The following PLK3 variants were observed in gnomAD, a reference collection of about 807,000 sequenced individuals.
The protein encoded by PLK3 is serine/threonine-protein kinase PLK3.
PLK3 carries 41 observed loss-of-function variants against 71.6 expected under a neutral mutation model. The ratio of observed to expected loss-of-function variants is 0.57; its 90% CI spans 0.45 to 0.74. PLK3 has a LOEUF of 0.74. Among genes scored for constraint, PLK3 ranks in the 30% least tolerant of loss-of-function variants. The probability of loss-of-function intolerance (pLI) is 0.00; values close to 1 mark genes in which losing one functional copy is unlikely to be tolerated. For synonymous variants in PLK3, 366 were observed against 355.4 expected (o/e 1.03, Z -0.33); for missense variants, 791 against 875.6 (o/e 0.90, Z 1.22).
In PLK3 at chr1:44,805,880, C is replaced by A. The variant is rs545659700; in HGVS notation, c.*202C>A. 65 of 1,429,522 alleles carry A rather than the reference C, an allele frequency of 4.5e-5. 2 individuals are homozygous for A. The South Asian group carries it at 9.1e-4, about 20-fold the overall frequency. 88.6% of individuals were successfully genotyped at this position (1,429,522 alleles called of 1,614,324 possible). A position where few individuals can be genotyped will look rare whatever the true frequency, so the allele number is the denominator to read the frequency against. On this transcript the variant is annotated 3_prime_UTR_variant, in exon 15 of 15. Coordinates refer to ENST00000372201, the MANE Select transcript of PLK3 (RefSeq NM_004073.4). ...CAAGATAAGCCTGAGCCTTAGCTCC[C>A]AGCTAGGGGGCGTTATTTATGGACC...
chr1:44,803,603 A>C lies in PLK3; in HGVS notation c.1076A>C (p.Lys359Thr). 2.5e-6 allele frequency: 4 copies of C among 1,613,768 alleles called. No individual in the cohort carries two copies. The highest frequency in any genetic ancestry group is 3.4e-6 in the Non-Finnish European group (4 of 1,179,666). Residue 359 changes from lysine (K) to threonine (T), a missense_variant, in exon 9 of 15, where the codon AAG becomes ACG. Physicochemically the swap from Lys to Thr is moderately conservative, Grantham distance 78. Transcript: ENST00000372201. The surrounding 1 kb of genome is among the most constrained non-coding windows in gnomAD (Gnocchi z 4.3). Reference protein sequence around the residue: ...KSLFGRKKKSKNHAQERDEVS... With the variant: ...KSLFGRKKKSTNHAQERDEVS... ...CGGTATCACCTTTCACCCCCAGGTA[A>C]GAATCATGCCCAGGAGAGGGATGAG...
At chr1:44,802,684 C>A (rs11584440) in intron 5 of PLK3, 76 bp from the exon 6 acceptor site, 179,152 of 992,508 alleles carry the variant, frequency 0.18, 16,707 homozygotes, top group East Asian at 0.25. Flanking sequence ...TTTGTCTGGA[C>A]TAACAGTGGG....
intron 12 of PLK3, 50 bp downstream of exon 12, chr1:44,804,551 G>A (rs766778628): frequency 1.2e-6 from 2 of 1,607,460 alleles, no homozygotes; most frequent in South Asian, 1.1e-5. Context: ...ATCCAGCAGG[G>A]CCGCACCCTC....
intron 13 of PLK3, 177 bp from the exon 14 acceptor site, chr1:44,805,089 G>C (rs919604286): frequency 6.7e-6 from 4 of 594,284 alleles, no homozygotes; most frequent in African/African-American, 5.6e-5. Context: ...CTGGGCAACA[G>C]AGCGAGACTC....
Position 44,805,869 on chromosome 1 carries a change from G to A in PLK3, c.*191G>A. ...TACCCCATCTCCAAGATAAGCCTGA[G>A]CCTTAGCTCCCAGCTAGGGGGCGTT... On this transcript the variant is annotated 3_prime_UTR_variant, in exon 15 of 15. Coordinates refer to ENST00000372201, the MANE Select transcript of PLK3 (RefSeq NM_004073.4). 7.1e-7 allele frequency: 1 copy of A among 1,410,502 alleles called. No homozygotes were observed. The highest frequency in any genetic ancestry group is 9.4e-7 in the Non-Finnish European group (1 of 1,062,084). 87.4% of individuals were successfully genotyped at this position (1,410,502 alleles called of 1,614,324 possible).
At chr1:44,802,568 C>A (rs542199984) in intron 5 of PLK3, among the ~76,000 whole-genome samples, 192 bp from the exon 6 acceptor site, 4 of 152,214 alleles carry the variant, frequency 2.6e-5, no homozygotes, top group African/African-American at 9.6e-5. Flanking sequence ...TGAAGAGCAG[C>A]TGAGCAGCTG....
Position 44,800,436 on chromosome 1 carries a change from C to A in PLK3, c.-28C>A. The stretch of plus-strand genomic sequence containing the variant: ...CCGGGGCCGGGCGGAACCGAGAAGC[C>A]GGGACCGCGCTGCGACGCGCCGGCC... On this transcript the variant is annotated 5_prime_UTR_variant, in exon 1 of 15. Coordinates refer to ENST00000372201, the MANE Select transcript of PLK3 (RefSeq NM_004073.4). The surrounding 1 kb of genome is among the most constrained non-coding windows in gnomAD (Gnocchi z 6.5). 6.8e-6 allele frequency: 9 copies of A among 1,318,244 alleles called. No individual in the cohort carries two copies. The highest frequency in any genetic ancestry group is 8.7e-6 in the Non-Finnish European group (9 of 1,039,550). 81.7% of individuals were successfully genotyped at this position (1,318,244 alleles called of 1,614,324 possible). A position where few individuals can be genotyped will look rare whatever the true frequency, so the allele number is the denominator to read the frequency against.
In PLK3 at chr1:44,803,220, A is replaced by C. The variant is rs376458026; in HGVS notation, c.949-48A>C. 3.2e-5 allele frequency: 51 copies of C among 1,611,828 alleles called. No individual in the cohort carries two copies. The highest frequency in any genetic ancestry group is 4.3e-5 in the Non-Finnish European group (51 of 1,178,282). ...CAGGGATTGAAAGGGGGCAGGTGAC[A>C]GGACCCCTGGAGCCTCTCTTCTCTG... On this transcript the variant is annotated intron_variant, in intron 7 of 14. Coordinates refer to ENST00000372201, the MANE Select transcript of PLK3 (RefSeq NM_004073.4). The surrounding 1 kb of genome is among the most constrained non-coding windows in gnomAD (Gnocchi z 4.3).
At chr1:44,804,808 A>C in intron 13 of PLK3, 29 bp downstream of exon 13, 1 of 1,610,458 alleles carries the variant, frequency 6.2e-7, no homozygotes, top group Non-Finnish European at 8.5e-7. Context: ...TGGTACATTG[A>C]AACCTAACCC....
rs796663326 is a variant in PLK3, at chr1:44,801,496, C to T, written c.436-126C>T. ...GTGCTGGGATTACAGGCGTGAGCCA[C>T]TACACCCAGCCGAGAAGACAGTCTT... On this transcript the variant is annotated intron_variant, in intron 3 of 14. Transcript: ENST00000372201. 8.4e-5 allele frequency: 88 copies of T among 1,052,642 alleles called. 1 individual carries two copies. The African/African-American group carries it at 9.9e-4, about 12-fold the overall frequency. The allele number at this position is 1,052,642 out of a possible 1,614,324, so 65.2% of individuals were successfully genotyped here.
At position 44,805,914 on chromosome 1, in the gene PLK3, T is replaced by A. The variant is rs1402183824; in HGVS notation, c.*236T>A. ...GGCGTTATTTATGGACCACTTTTAT[T>A]TATTGTCAGACACTTATTTATTGGG... is the stretch of plus-strand genomic sequence containing the variant. On this transcript the variant is annotated 3_prime_UTR_variant, in exon 15 of 15. Transcript: ENST00000372201. 1.4e-6 allele frequency: 2 copies of A among 1,470,546 alleles called. No homozygotes were observed. Among genetic ancestry groups the A allele is most frequent in the South Asian group, 1.4e-5 (1 of 70,434 alleles). 91.1% of individuals were successfully genotyped at this position (1,470,546 alleles called of 1,614,324 possible).
At position 44,805,662 on chromosome 1, in the gene PLK3, A is replaced by T; in HGVS notation, c.1925A>T (p.Asp642Val). ...CGCTATGCTCTGCGCCTGCTCCGGG[A>T]CCGCAGCCCAGCCTAGGACCCAAGC... is the stretch of plus-strand genomic sequence containing the variant. The part of the protein sequence containing the change: ...RLRYALRLLR[D>V]RSPA Residue 642 changes from aspartate to valine, a missense_variant, in exon 15 of 15, where the codon GAC becomes GTC. Coordinates refer to ENST00000372201, the MANE Select transcript of PLK3 (RefSeq NM_004073.4). 3 of 1,612,478 alleles carry T rather than the reference A, an allele frequency of 1.9e-6. No individual in the cohort carries two copies. Among genetic ancestry groups the T allele is most frequent in the Non-Finnish European group, 2.5e-6 (3 of 1,179,942 alleles).
In PLK3 at chr1:44,804,685, T is replaced by A. The variant is rs1392146029; in HGVS notation, c.1541T>A (p.Phe514Tyr). The change falls in exon 13 of 15, where the codon TTC (phenylalanine) becomes TAC (tyrosine). Residue 514 changes from phenylalanine (F) to tyrosine (Y), a missense_variant. Coordinates refer to ENST00000372201, the MANE Select transcript of PLK3 (RefSeq NM_004073.4). ...VHYNPTSTKH[F>Y]SFSVGAVPRA... ...TACAATCCCACCAGCACAAAGCACT[T>A]CTCCTTCTCCGTGGGTGCTGTGCCC... 2 of 1,613,862 alleles carry A rather than the reference T, an allele frequency of 1.2e-6. No individual in the cohort carries two copies. The highest frequency in any genetic ancestry group is 1.7e-5 in the Admixed American group (1 of 59,992).
In PLK3 at chr1:44,804,359, C is replaced by G. The variant is rs202241709; in HGVS notation, c.1363C>G (p.Leu455Val). ...MPPAEQNPAP[L>V]AQPEPLVWVS... ...GACAGCGGAACAGAACCCGGCCCCC[C>G]TGGCCCAGCCAGAGCCTCTGGTGTG... The change falls in exon 12 of 15, where the codon CTG becomes GTG. Residue 455 changes from leucine to valine, a missense_variant. Physicochemically the swap from Leu to Val is conservative, Grantham distance 32. Coordinates refer to ENST00000372201, the MANE Select transcript of PLK3 (RefSeq NM_004073.4). 1 of 1,614,182 alleles carries G rather than the reference C, an allele frequency of 6.2e-7. No individual in the cohort carries two copies. The highest frequency in any genetic ancestry group is 8.5e-7 in the Non-Finnish European group (1 of 1,180,016).
chr1:44,804,253 G>C lies in PLK3; in HGVS notation c.1342+7G>C, dbSNP rs776466127. 6.2e-7 allele frequency: 1 copy of C among 1,613,428 alleles called. No homozygotes were observed. The highest frequency in any genetic ancestry group is 2.2e-5 in the East Asian group (1 of 44,878). On this transcript the variant is annotated splice_region_variant and intron_variant, in intron 11 of 14. Transcript: ENST00000372201. Reference sequence around the variant, plus strand: ...ATAGCCTTCATGCCCCCAGGTAAGGGTGGGGTCTGGTACATGCTGCTGTGG... The same window carrying C: ...ATAGCCTTCATGCCCCCAGGTAAGGCTGGGGTCTGGTACATGCTGCTGTGG...
At position 44,803,968 on chromosome 1, in the gene PLK3, T is replaced by G; in HGVS notation, c.1202T>G (p.Val401Gly). Residue 401 changes from valine to glycine, a missense_variant, in exon 10 of 15, where the codon GTA becomes GGA. Physicochemically the swap from Val to Gly is moderately radical, Grantham distance 109. Transcript: ENST00000372201. This position sits in a 1 kb window ranked among gnomAD's most constrained non-coding sequence, Gnocchi z 4.3. Reference protein sequence around the residue: ...AASGPAPVSLVETAPEDSSPR... With the variant: ...AASGPAPVSLGETAPEDSSPR... Reference sequence around the variant, plus strand: ...TCTGGCCCAGCCCCTGTCAGCCTGGTAGAGACAGCACCTGAAGACAGCTCA... The same window carrying G: ...TCTGGCCCAGCCCCTGTCAGCCTGGGAGAGACAGCACCTGAAGACAGCTCA... The G allele has an allele frequency of 6.4e-7, 1 of 1,552,692 alleles. No homozygotes were observed. Among genetic ancestry groups the G allele is most frequent in the Non-Finnish European group, 8.7e-7 (1 of 1,147,378 alleles).
At chr1:44,801,182 G>A (rs199779849) in intron 3 of PLK3, 30 bp downstream of exon 3, 1 of 887,760 alleles carries the variant, frequency 1.1e-6, no homozygotes, top group Non-Finnish European at 1.9e-6. Flanking sequence ...GCAGGGATGA[G>A]AGTGAGGGAG....
intron 5 of PLK3, among the ~76,000 whole-genome samples, chr1:44,802,311 G>C (rs1196991903): frequency 6.6e-6 from 1 of 152,140 alleles, no homozygotes; most frequent in South Asian, 2.1e-4. Context: ...CATTGTGGGT[G>C]TAAGAAGACC....
At position 44,800,802 on chromosome 1, in the gene PLK3, C is replaced by G. The variant is rs770295284; in HGVS notation, c.211-38C>G. 1 of 1,582,954 alleles carries G rather than the reference C, an allele frequency of 6.3e-7. No homozygotes were observed. The highest frequency in any genetic ancestry group is 1.8e-5 in the Admixed American group (1 of 56,362). On this transcript the variant is annotated intron_variant, in intron 1 of 14. Coordinates refer to ENST00000372201, the MANE Select transcript of PLK3 (RefSeq NM_004073.4). The surrounding 1 kb of genome is among the most constrained non-coding windows in gnomAD (Gnocchi z 6.5). ...GGGACGCCCGCGGGCCAGACTCGGC[C>G]CCCCTGGAACAACCAGCCTGATGCC...
Sources: gnomAD v4.1 joint callset for allele counts (sites outside exome capture counted in the v4.1 genomes callset) on GRCh38, gnomAD v4.1.1 for gene constraint, Gnocchi (gnomAD v3.1) non-coding constraint, MANE v1.5 for transcripts, NCBI Gene and HGNC (gene_info 2026-07-23, HGNC 2026-07-21) for gene names.